The following NLGN4Y variants were observed in gnomAD, a reference collection of about 807,000 sequenced individuals.
The protein encoded by NLGN4Y is neuroligin-4, Y-linked.
NLGN4Y carries 4 observed loss-of-function variants against 8.4 expected under a neutral mutation model. The observed-to-expected ratio is 0.48, with a 90% CI of 0.23 to 1.09. The LOEUF (loss-of-function observed/expected upper bound fraction) is 1.09. NLGN4Y is among the 50% of genes least tolerant of loss of function. The probability of loss-of-function intolerance (pLI) is 0.19; values close to 1 mark genes in which losing one functional copy is unlikely to be tolerated. For synonymous variants in NLGN4Y, 35 were observed against 75.6 expected (o/e 0.46, Z 2.78); for missense variants, 90 against 192.3 (o/e 0.47, Z 3.15).
intron 6 of NLGN4Y, among the ~76,000 whole-genome samples, chrY:14,834,447 A>C (rs2043190231): frequency 2.9e-5 from 1 of 33,937 alleles, no homozygotes; most frequent in Non-Finnish European, 7.3e-5. Context: ...TGAAGTCTCT[A>C]TTTTTGTTTC....
chrY:14,803,330 T>G (rs1034416979), intron 4 of NLGN4Y, among the ~76,000 whole-genome samples: 21 of 28,205 alleles, frequency 7.4e-4, no homozygotes, highest in Admixed American at 1.9e-3. Context: ...ATATATTATA[T>G]GTATATAAAA....
intron 4 of NLGN4Y, among the ~76,000 whole-genome samples, chrY:14,742,272 T>C (rs920305031): frequency 6.1e-5 from 2 of 32,969 alleles, no homozygotes; most frequent in African/African-American, 1.2e-4. Flanking sequence ...ACTGACCACA[T>C]TGGCATATCA....
At chrY:14,559,294 C>A (rs930361726) in intron 1 of NLGN4Y, among the ~76,000 whole-genome samples, 2 of 33,262 alleles carry the variant, frequency 6.0e-5, no homozygotes, top group African/African-American at 1.2e-4. Flanking sequence ...GTTAGAAGAT[C>A]TCCTGATGAA....
intron 1 of NLGN4Y, among the ~76,000 whole-genome samples, chrY:14,555,360 C>T (rs2080207545): frequency 3.0e-5 from 1 of 32,946 alleles, no homozygotes; most frequent in Non-Finnish European, 7.5e-5. Flanking sequence ...GTTGATAGTG[C>T]CTTTTCCTTG....
At chrY:14,579,721 CAACA>C (rs2080309696) in intron 1 of NLGN4Y, among the ~76,000 whole-genome samples, 2 of 32,232 alleles carry the variant, frequency 6.2e-5, no homozygotes, top group Non-Finnish European at 1.5e-4. Flanking sequence ...CTAAAAACAA[CAACA>C]AACAAACAAA....
chrY:14,595,581 T>C (rs2080392902), intron 1 of NLGN4Y, among the ~76,000 whole-genome samples: 10 of 32,751 alleles, frequency 3.1e-4, no homozygotes, highest in Non-Finnish European at 6.7e-4. Flanking sequence ...CAGGCCGCAG[T>C]GCAGAAAAAA....
chrY:14,601,929 TA>T (rs2080428605), intron 1 of NLGN4Y, among the ~76,000 whole-genome samples: 4 of 29,037 alleles, frequency 1.4e-4, no homozygotes, highest in Admixed American at 9.3e-4. Flanking sequence ...ATAAGGGGGT[TA>T]AAAAAAAAAG....
chrY:14,647,122 C>T (rs772035695), intron 2 of NLGN4Y, among the ~76,000 whole-genome samples: 1 of 34,004 alleles, frequency 2.9e-5, no homozygotes, highest in African/African-American at 1.1e-4. Context: ...TGGTACACTG[C>T]CTGAATTTCT....
At chrY:14,752,626 G>T in intron 4 of NLGN4Y, among the ~76,000 whole-genome samples, 1 of 33,248 alleles carries the variant, frequency 3.0e-5, no homozygotes, top group Non-Finnish European at 7.4e-5. Flanking sequence ...TGTAAGAAAA[G>T]ATGTTTTCAA....
chrY:14,792,783 C>CAAA (rs2042990023), intron 4 of NLGN4Y, among the ~76,000 whole-genome samples: 1 of 1,802 alleles, frequency 5.5e-4, no homozygotes, highest in Non-Finnish European at 1.0e-3. Flanking sequence ...GATCCTGTCT[C>CAAA]CAAAAAAAAA....
rs759574701 is a variant in NLGN4Y at position 14,841,286 on chromosome Y, C to A, written c.*24C>A. 2.6e-6 allele frequency: 1 copy of A among 391,917 alleles called. No homozygotes were observed. Among genetic ancestry groups the A allele is most frequent in the Non-Finnish European group, 3.6e-6 (1 of 277,874 alleles). On this transcript the variant is annotated 3_prime_UTR_variant, in exon 7 of 7. Transcript: ENST00000684976. The stretch of plus-strand genomic sequence containing the variant: ...AGCTTTTCCCTATTTCCCCTCCTAT[C>A]CCTCTGCCCCTACTGCTCAGCAATG...
chrY:14,572,581 C>T, intron 1 of NLGN4Y, among the ~76,000 whole-genome samples: 1 of 32,884 alleles, frequency 3.0e-5, no homozygotes, highest in Non-Finnish European at 7.4e-5. Flanking sequence ...TAATCGAATA[C>T]CCTTTATTTC....
intron 1 of NLGN4Y, among the ~76,000 whole-genome samples, chrY:14,574,207 CTCAT>C (rs2080287448): frequency 3.0e-5 from 1 of 32,873 alleles, no homozygotes; most frequent in African/African-American, 1.2e-4. Context: ...GTTAAACTCT[CTCAT>C]TATTATTGTG....
intron 1 of NLGN4Y, among the ~76,000 whole-genome samples, chrY:14,603,128 G>A (rs748151615): frequency 3.0e-5 from 1 of 32,792 alleles, no homozygotes; most frequent in East Asian, 7.8e-4. Flanking sequence ...ACCCTATAGA[G>A]GATGGATGTG....
intron 2 of NLGN4Y, among the ~76,000 whole-genome samples, chrY:14,685,088 C>T: frequency 1.2e-4 from 4 of 33,335 alleles, no homozygotes; most frequent in East Asian, 8.0e-4. Flanking sequence ...TTAGTTCCTA[C>T]GGCAGTATTT....
At chrY:14,564,727 G>T in intron 1 of NLGN4Y, among the ~76,000 whole-genome samples, 1 of 33,614 alleles carries the variant, frequency 3.0e-5, no homozygotes, top group East Asian at 8.1e-4. Context: ...TTCCTCAAGT[G>T]GGTATACTGA....
At chrY:14,597,158 C>T (rs2080404538) in intron 1 of NLGN4Y, among the ~76,000 whole-genome samples, 1 of 31,041 alleles carries the variant, frequency 3.2e-5, no homozygotes, top group Non-Finnish European at 7.7e-5. Flanking sequence ...TAAGGTAGCG[C>T]GTCTGGAGTT....
intron 2 of NLGN4Y, among the ~76,000 whole-genome samples, chrY:14,667,417 C>A (rs747514049): frequency 3.8e-4 from 12 of 31,615 alleles, no homozygotes; most frequent in East Asian, 1.7e-3. Flanking sequence ...ACACACACAC[C>A]CCCACACACA....
intron 1 of NLGN4Y, among the ~76,000 whole-genome samples, chrY:14,527,037 G>A: frequency 3.0e-5 from 1 of 33,347 alleles, no homozygotes; most frequent in East Asian, 7.8e-4. Context: ...TGACTGACTC[G>A]CCATCAGAGA....
Sources: gnomAD v4.1 joint callset for allele counts (sites outside exome capture counted in the v4.1 genomes callset) on GRCh38, gnomAD v4.1.1 for gene constraint, MANE v1.5 for transcripts, NCBI Gene and HGNC (gene_info 2026-07-23, HGNC 2026-07-21) for gene names.